Variants in KIF6 observed in about 807,000 individuals in gnomAD.
KIF6 encodes the protein kinesin-like protein KIF6.
In KIF6, 106 loss-of-function variants were observed where a neutral mutation model predicts 112.7. That is an observed-to-expected ratio of 0.94 (90% CI 0.80 to 1.11). The LOEUF is 1.11. Among genes scored for constraint, KIF6 ranks in the 50% least tolerant of loss-of-function variants. The pLI is 0.00. For missense variants in KIF6, 929 were observed against 964.0 expected (o/e 0.96, Z 0.48); for synonymous variants, 339 against 339.9 (o/e 1.00, Z 0.03).
chr6:39,671,908 T>C (rs1418808222), intron 3 of KIF6, among the ~76,000 whole-genome samples: 1 of 152,244 alleles, frequency 6.6e-6, no homozygotes, highest in Admixed American at 6.5e-5. Context: ...GATGTGCATG[T>C]TAGATTCACT....
At chr6:39,583,326 G>C in intron 9 of KIF6, 2 of 464,270 alleles carry the variant, frequency 4.3e-6, no homozygotes, top group Non-Finnish European at 8.9e-6. Context: ...TAGCAGTTCA[G>C]TTCCACCTGA....
chr6:39,397,599 T>G (rs1768369655), intron 15 of KIF6, among the ~76,000 whole-genome samples: 1 of 152,146 alleles, frequency 6.6e-6, no homozygotes, highest in African/African-American at 2.4e-5. Flanking sequence ...CTTACCGATC[T>G]CAGTCCTGGT....
intron 13 of KIF6, among the ~76,000 whole-genome samples, chr6:39,477,627 C>T (rs1049822704): frequency 6.6e-6 from 1 of 152,126 alleles, no homozygotes; most frequent in Non-Finnish European, 1.5e-5. Flanking sequence ...CTTTGGGAGG[C>T]CAAGGCTGGT....
chr6:39,529,830 A>T (rs143503175), intron 13 of KIF6, among the ~76,000 whole-genome samples: 1 of 152,328 alleles, frequency 6.6e-6, no homozygotes, highest in East Asian at 1.9e-4. Flanking sequence ...TTAAGAAGAC[A>T]TATAAATGTT....
chr6:39,419,728 A>T (rs1031820518), intron 15 of KIF6, among the ~76,000 whole-genome samples: 5 of 152,290 alleles, frequency 3.3e-5, no homozygotes, highest in African/African-American at 1.2e-4. Flanking sequence ...CTGCCTGAGG[A>T]TGAAAAGTTC....
At chr6:39,405,213 T>A (rs1314952743) in intron 15 of KIF6, among the ~76,000 whole-genome samples, 1 of 152,156 alleles carries the variant, frequency 6.6e-6, no homozygotes, top group Non-Finnish European at 1.5e-5. Flanking sequence ...TATATATTTT[T>A]CTTGCTTACT....
At chr6:39,389,113 GA>G (rs1428724499) in intron 15 of KIF6, among the ~76,000 whole-genome samples, 1 of 152,194 alleles carries the variant, frequency 6.6e-6, no homozygotes, top group East Asian at 1.9e-4. Context: ...AGGGTATGTG[GA>G]GGTGGTGCTC....
chr6:39,390,137 T>TAG (rs1230300513), intron 15 of KIF6, among the ~76,000 whole-genome samples: 2 of 151,900 alleles, frequency 1.3e-5, no homozygotes, highest in African/African-American at 4.8e-5. Flanking sequence ...CTAACCAACG[T>TAG]CTCTAACCTC....
At chr6:39,480,381 C>T (rs997453761) in intron 13 of KIF6, among the ~76,000 whole-genome samples, 9 of 152,156 alleles carry the variant, frequency 5.9e-5, no homozygotes, top group African/African-American at 1.4e-4. Context: ...TTAAACCATC[C>T]TTGCATCCCT....
At chr6:39,497,950 C>G (rs997985472) in intron 13 of KIF6, among the ~76,000 whole-genome samples, 2 of 152,082 alleles carry the variant, frequency 1.3e-5, no homozygotes, top group Non-Finnish European at 2.9e-5. Context: ...ACGTTCTGTC[C>G]TATAAACTAG....
rs116120636 is a variant in KIF6, at chr6:39,575,278, T to A, written c.1181+2778A>T. Reference sequence around the variant, plus strand: ...GCTTGAGCGTCTTCTTATTTTTCTTTTTTTTTTTTTGAGATGGAGTCTCAC... The same window carrying A: ...GCTTGAGCGTCTTCTTATTTTTCTTATTTTTTTTTTGAGATGGAGTCTCAC... On this transcript the variant is annotated intron_variant, in intron 10 of 22. Coordinates refer to ENST00000287152, the MANE Select transcript of KIF6 (RefSeq NM_145027.6). 9.7e-3 allele frequency among the ~76,000 whole-genome samples: 1,461 copies of A among 151,066 alleles called. 33 individuals are homozygous for A. The highest frequency in any genetic ancestry group is 0.033 in the African/African-American group (1,356 of 41,250).
At chr6:39,404,740 A>C (rs1213692025) in intron 15 of KIF6, among the ~76,000 whole-genome samples, 3 of 152,144 alleles carry the variant, frequency 2.0e-5, no homozygotes, top group African/African-American at 7.2e-5. Flanking sequence ...ACTGCATTAC[A>C]TTTAAAGGTC....
At position 39,402,265 on chromosome 6, in the gene KIF6, G is replaced by A. The variant is rs1183659882; in HGVS notation, c.1811-16593C>T. Among the ~76,000 whole-genome samples, 6 of 152,132 alleles carry A rather than the reference G, an allele frequency of 3.9e-5. No individual in the cohort carries two copies. In the East Asian group the frequency reaches 1.2e-3, roughly 29 times the overall value. The stretch of plus-strand genomic sequence containing the variant: ...GCACTGTCAACCAACCCTGGCAGAG[G>A]TGCCAGGGGCATGAGGGACTCAAGC... On this transcript the variant is annotated intron_variant, in intron 15 of 22. Transcript: ENST00000287152.
rs555846305 is a variant in KIF6 at position 39,641,127 on chromosome 6, T to C, written c.252-1370A>G. ...AACAGAATTTGTTACCAATGAAACA[T>C]TGATGTCCCATTAGCAATATCATTT... On this transcript the variant is annotated intron_variant, in intron 3 of 22. Transcript: ENST00000287152. 2.2e-4 allele frequency among the ~76,000 whole-genome samples: 34 copies of C among 152,282 alleles called. No individual in the cohort carries two copies. The South Asian group carries it at 6.0e-3, about 27-fold the overall frequency.
intron 16 of KIF6, among the ~76,000 whole-genome samples, chr6:39,363,150 A>C (rs1406042504): frequency 6.6e-6 from 1 of 151,472 alleles, no homozygotes; most frequent in Non-Finnish European, 1.5e-5. Context: ...ACTCCATCTC[A>C]AACAAACAAA....
chr6:39,491,902 C>T (rs1203536645), intron 13 of KIF6, among the ~76,000 whole-genome samples: 1 of 152,136 alleles, frequency 6.6e-6, no homozygotes, highest in Non-Finnish European at 1.5e-5. Flanking sequence ...GTTGAGGGTG[C>T]TATCTGGCTT....
In KIF6 at chr6:39,544,594, T is replaced by C. The variant is rs1263031462; in HGVS notation, c.1387A>G (p.Lys463Glu). The C allele has an allele frequency of 6.2e-7, 1 of 1,610,240 alleles. No homozygotes were observed. The highest frequency in any genetic ancestry group is 1.3e-5 in the African/African-American group (1 of 74,800). Reference sequence around the variant, plus strand: ...CTCTGTTTCAGAATATCTCGTAGCTTTCTATATTCTTCTTCTTTTAATGGT... The same window carrying C: ...CTCTGTTTCAGAATATCTCGTAGCTCTCTATATTCTTCTTCTTTTAATGGT... ...QEPLKEEEYR[K>E]LRDILKQRDN... Residue 463 changes from lysine to glutamate, a missense_variant, in exon 12 of 23, where the codon AAG becomes GAG. Around this residue, in one of 2 missense-constraint regions of KIF6, gnomAD observed 688 missense variants for 662.7 expected, o/e 1.04. Transcript: ENST00000287152.
In KIF6 at chr6:39,634,934, G is replaced by A. The variant is rs375857820; in HGVS notation, c.424C>T (p.His142Tyr). 9.3e-6 allele frequency: 15 copies of A among 1,607,140 alleles called. No homozygotes were observed. The highest frequency in any genetic ancestry group is 7.7e-6 in the Non-Finnish European group (9 of 1,174,126). The change falls in exon 5 of 23, where the codon CAC (histidine) becomes TAC (tyrosine). Residue 142 changes from histidine (H) to tyrosine (Y), a missense_variant. His to Tyr is a moderately conservative substitution (Grantham distance 83). Coordinates refer to ENST00000287152, the MANE Select transcript of KIF6 (RefSeq NM_145027.6). Reference sequence around the variant, plus strand: ...TTGTAGATTTCCAAATAGGAAATGTGTGTTGTATATATTTTGCTGCTGTCC... The same window carrying A: ...TTGTAGATTTCCAAATAGGAAATGTATGTTGTATATATTTTGCTGCTGTCC... ...QKDSSKIYTT[H>Y]ISYLEIYNEC...
intron 13 of KIF6, among the ~76,000 whole-genome samples, chr6:39,531,124 T>A (rs1272573865): frequency 3.3e-5 from 5 of 152,230 alleles, no homozygotes. Flanking sequence ...TTGGTAGAAC[T>A]ATATCCAATA....
Sources: allele counts gnomAD v4.1 joint callset (sites outside exome capture counted in the v4.1 genomes callset), GRCh38; gene constraint gnomAD v4.1.1; regional missense constraint gnomAD v4.1.1; transcripts MANE v1.5; gene names NCBI Gene and HGNC (gene_info 2026-07-23, HGNC 2026-07-21).